SRP19: variants seen among roughly 807,000 people sequenced by gnomAD.
SRP19 encodes signal recognition particle 19 kDa protein.
In SRP19, 11 loss-of-function variants were observed where a neutral mutation model predicts 22.4. The observed-to-expected ratio is 0.49, with a 90% CI of 0.31 to 0.81. SRP19 has a LOEUF of 0.81. Ranked by LOEUF, SRP19 falls within the 40% of genes least tolerant of loss-of-function variation. The pLI is 0.05. For missense variants in SRP19, 168 were observed against 175.9 expected, an observed-to-expected ratio of 0.96 and a Z score of 0.25; for synonymous variants, 61 against 57.6, an observed-to-expected ratio of 1.06 and a Z score of -0.27.
At chr5:112,877,916 G>A (rs1935870779) in intron 4 of SRP19, 2 of 151,988 alleles carry the variant, frequency 1.3e-5, no homozygotes, top group African/African-American at 4.8e-5. Flanking sequence ...AGACAAATAT[G>A]TAAAGTTTAT....
intron 4 of SRP19, chr5:112,876,759 TCTC>T (rs769890660): frequency 2.0e-5 from 3 of 152,126 alleles, no homozygotes; most frequent in Admixed American, 6.5e-5. Flanking sequence ...ATTCTTAACT[TCTC>T]CTGCTGTTAA....
intron 4 of SRP19, among the ~76,000 whole-genome samples, chr5:112,880,459 CAAG>C (rs140728941): frequency 0.035 from 5,300 of 152,208 alleles, 223 homozygotes; most frequent in East Asian, 0.16. Context: ...TGATGAGAGC[CAAG>C]GAGTCCCTTC....
At chr5:112,893,114 A>G (rs1199027778), downstream of SRP19, 3 of 909,808 alleles carry the variant, frequency 3.3e-6, 1 homozygote, top group African/African-American at 3.6e-5. Flanking sequence ...AAAAAAAAAA[A>G]AAAGAATGGA....
chr5:112,885,554 C>G, intron 4 of SRP19: 1 of 246,702 alleles, frequency 4.1e-6, no homozygotes, highest in Admixed American at 4.2e-5. Context: ...CATCAACTAC[C>G]TTCCCAGTAT....
At chr5:112,884,968 C>CAATA (rs973782364) in intron 4 of SRP19, 1 of 152,106 alleles carries the variant, frequency 6.6e-6, no homozygotes, top group Non-Finnish European at 1.5e-5. Context: ...TTAAACACCT[C>CAATA]AATAAATAAA....
At chr5:112,866,318 C>G (rs1362947127) in intron 4 of SRP19, among the ~76,000 whole-genome samples, 2 of 151,836 alleles carry the variant, frequency 1.3e-5, no homozygotes, top group Non-Finnish European at 2.9e-5. Flanking sequence ...GTTTCTCCAT[C>G]TTGGTCAGGC....
At chr5:112,862,365 A>G in intron 1 of SRP19, 143 bp from the exon 2 acceptor site, 1 of 687,058 alleles carries the variant, frequency 1.5e-6, no homozygotes, top group Non-Finnish European at 2.5e-6. Flanking sequence ...TTCAACTGCC[A>G]CGCAGAAAAA....
intron 4 of SRP19, among the ~76,000 whole-genome samples, chr5:112,881,779 A>T (rs570124077): frequency 6.6e-6 from 1 of 152,072 alleles, no homozygotes; most frequent in African/African-American, 2.4e-5. Flanking sequence ...TTATTTATTT[A>T]TTTAGAGACA....
downstream of SRP19, chr5:112,894,935 G>C (rs1768632271): frequency 6.6e-6 from 1 of 152,108 alleles, no homozygotes; most frequent in Non-Finnish European, 1.5e-5. Flanking sequence ...TGACTCATTG[G>C]ATTAAGAATC....
intron 4 of SRP19, chr5:112,876,565 G>A (rs1387419900): frequency 6.6e-6 from 1 of 152,150 alleles, no homozygotes; most frequent in East Asian, 1.9e-4. Context: ...GGGAATAACT[G>A]CTGCAGGAAT....
intron 4 of SRP19, chr5:112,882,120 T>C (rs1192498115): frequency 1.3e-5 from 2 of 153,832 alleles, no homozygotes; most frequent in African/African-American, 4.8e-5. Context: ...TGTAGACATA[T>C]GTGATGATCT....
chr5:112,865,755 A>G (rs1390147255), intron 4 of SRP19, among the ~76,000 whole-genome samples: 1 of 151,952 alleles, frequency 6.6e-6, no homozygotes, highest in Non-Finnish European at 1.5e-5. Context: ...CATCACACCC[A>G]GCTAACTTTT....
chr5:112,872,745 C>G (rs1169664201), downstream of SRP19, among the ~76,000 whole-genome samples: 6 of 152,318 alleles, frequency 3.9e-5, no homozygotes, highest in East Asian at 7.7e-4. Flanking sequence ...CAAGCCACTG[C>G]TTTGCTGTTT....
At chr5:112,881,513 T>TA (rs1768073465) in intron 4 of SRP19, among the ~76,000 whole-genome samples, 2 of 152,220 alleles carry the variant, frequency 1.3e-5, no homozygotes, top group Non-Finnish European at 2.9e-5. Context: ...TTCTTGCTCT[T>TA]AGAGAAAGCT....
At chr5:112,894,117 T>G (rs1768599133), downstream of SRP19, 1 of 105,800 alleles carries the variant, frequency 9.5e-6, no homozygotes, top group East Asian at 2.2e-4. Flanking sequence ...TTTTTTTGGT[T>G]TTTTTTGTTT....
intron 4 of SRP19, among the ~76,000 whole-genome samples, chr5:112,879,262 G>A (rs537988863): frequency 7.3e-6 from 1 of 136,242 alleles, no homozygotes; most frequent in Non-Finnish European, 1.5e-5. Flanking sequence ...ATCCCATGGC[G>A]ACAAATCAGA....
chr5:112,876,210 A>G (rs1161146085), intron 4 of SRP19, among the ~76,000 whole-genome samples: 3 of 152,142 alleles, frequency 2.0e-5, no homozygotes, highest in Admixed American at 1.3e-4. Flanking sequence ...TTTCTTTAGG[A>G]CAAGTCTTTT....
At chr5:112,877,889 T>G (rs1767945270) in intron 4 of SRP19, 1 of 152,166 alleles carries the variant, frequency 6.6e-6, no homozygotes, top group Non-Finnish European at 1.5e-5. Context: ...TGGTTTCCAT[T>G]GTAGCATCTT....
Position 112,862,518 on chromosome 5 carries a change from A to G in SRP19, c.52A>G (p.Ile18Val). The G allele has an allele frequency of 6.2e-7, 1 of 1,613,730 alleles. No individual in the cohort carries two copies. The part of the protein sequence containing the change: ...SPADQDRFIC[I>V]YPAYLNNKKT... ...TATTGTCTATGGCAGGTTTATTTGTATCTATCCTGCTTATTTAAATAATAA... is the reference window on the plus strand; with the variant it reads ...TATTGTCTATGGCAGGTTTATTTGTGTCTATCCTGCTTATTTAAATAATAA... The change falls in exon 2 of 5, where the codon ATC becomes GTC. Residue 18 changes from isoleucine (I) to valine (V), a missense_variant. Coordinates refer to ENST00000505459, the MANE Select transcript of SRP19 (RefSeq NM_003135.3).
Sources: allele counts gnomAD v4.1 joint callset (sites outside exome capture counted in the v4.1 genomes callset), GRCh38; gene constraint gnomAD v4.1.1; transcripts MANE v1.5; gene names NCBI Gene and HGNC (gene_info 2026-07-23, HGNC 2026-07-21).